The following WDPCP variants were observed in gnomAD, a reference collection of about 807,000 sequenced individuals.
WDPCP encodes the protein WD repeat-containing and planar cell polarity effector protein fritz homolog.
A neutral mutation model predicts 93.1 loss-of-function variants in WDPCP; 71 were observed. That is an observed-to-expected ratio of 0.76 (90% confidence interval 0.63 to 0.93). The LOEUF is 0.93. Among genes scored for constraint, WDPCP ranks in the 40% least tolerant of loss-of-function variants. WDPCP has a pLI of 0.00. For missense variants in WDPCP, 844 were observed against 887.4 expected (o/e 0.95, Z 0.62); for synonymous variants, 315 against 315.0 (o/e 1.00, Z 0.00).
intron 2 of WDPCP, among the ~76,000 whole-genome samples, chr2:63,670,406 C>T (rs1385838527): frequency 6.6e-6 from 1 of 152,082 alleles, no homozygotes; most frequent in Non-Finnish European, 1.5e-5. Context: ...GAGTTAGAAC[C>T]TAAGGAAAGT....
intron 1 of WDPCP, among the ~76,000 whole-genome samples, chr2:63,503,203 T>C (rs948725249): frequency 6.6e-6 from 1 of 152,230 alleles, no homozygotes; most frequent in Non-Finnish European, 1.5e-5. Context: ...TTAGACAATT[T>C]ATCAATGGCT....
intron 12 of WDPCP, among the ~76,000 whole-genome samples, chr2:63,340,316 G>A (rs1193840171): frequency 6.6e-6 from 1 of 152,134 alleles, no homozygotes; most frequent in East Asian, 1.9e-4. Context: ...GGCTGGCAAG[G>A]AGTTCCTGTC....
At chr2:63,427,022 G>A (rs982874354) in intron 9 of WDPCP, among the ~76,000 whole-genome samples, 11 of 152,116 alleles carry the variant, frequency 7.2e-5, no homozygotes, top group African/African-American at 2.2e-4. Flanking sequence ...AAAAAGGTTC[G>A]ATTCAACAAG....
intron 2 of WDPCP, among the ~76,000 whole-genome samples, chr2:63,774,864 C>T (rs549786553): frequency 2.6e-5 from 4 of 152,242 alleles, no homozygotes; most frequent in South Asian, 4.1e-4. Context: ...AACTTCTCTG[C>T]GCCTTTCAAT....
intron 2 of WDPCP, among the ~76,000 whole-genome samples, chr2:63,724,428 C>G (rs1669468980): frequency 6.6e-6 from 1 of 152,060 alleles, no homozygotes; most frequent in African/African-American, 2.4e-5. Flanking sequence ...GCCAGTTCTC[C>G]TGCTTCTACG....
chr2:63,749,577 T>C (rs1389381162), intron 2 of WDPCP, among the ~76,000 whole-genome samples: 1 of 152,124 alleles, frequency 6.6e-6, no homozygotes, highest in African/African-American at 2.4e-5. Context: ...CTTAGATGAT[T>C]TTGCCCAACT....
At chr2:63,479,358 C>T (rs1700141002) in intron 6 of WDPCP, among the ~76,000 whole-genome samples, 2 of 152,058 alleles carry the variant, frequency 1.3e-5, no homozygotes, top group South Asian at 2.1e-4. Flanking sequence ...ACCCTAATAC[C>T]AAAACCAGGA....
At chr2:63,464,763 G>T (rs1203737264) in intron 6 of WDPCP, among the ~76,000 whole-genome samples, 1 of 152,004 alleles carries the variant, frequency 6.6e-6, no homozygotes, top group African/African-American at 2.4e-5. Flanking sequence ...AGGACATTAT[G>T]TAAGTGAAAC....
chr2:63,709,057 C>CAAAA (rs953764802), intron 2 of WDPCP, among the ~76,000 whole-genome samples: 1,056 of 12,076 alleles, frequency 0.087, 289 homozygotes, highest in Non-Finnish European at 0.14. Context: ...CCTGTCTCTA[C>CAAAA]AAAAAAAAAA....
chr2:63,435,522 T>A (rs946956093), intron 8 of WDPCP, among the ~76,000 whole-genome samples: 3 of 152,154 alleles, frequency 2.0e-5, no homozygotes, highest in African/African-American at 7.2e-5. Flanking sequence ...TCTGATTTGC[T>A]GCATAAGTGT....
At chr2:63,643,152 A>G (rs1400576484) in intron 3 of WDPCP, 13 of 177,952 alleles carry the variant, frequency 7.3e-5, no homozygotes, top group Admixed American at 1.8e-4. Context: ...ATGTTCAACA[A>G]TCCTTGCATT....
chr2:63,521,455 C>A (rs1575574143), intron 1 of WDPCP, among the ~76,000 whole-genome samples: 1 of 152,180 alleles, frequency 6.6e-6, no homozygotes, highest in East Asian at 1.9e-4. Flanking sequence ...TCAAAAAAGA[C>A]AAAGAAGGGC....
chr2:63,413,593 C>G (rs753376763), intron 9 of WDPCP, among the ~76,000 whole-genome samples: 2 of 151,994 alleles, frequency 1.3e-5, no homozygotes, highest in Non-Finnish European at 2.9e-5. Context: ...GTCAGGAGAT[C>G]GAGACCATCC....
At chr2:63,396,110 T>C (rs146680013) in intron 10 of WDPCP, among the ~76,000 whole-genome samples, 2 of 152,266 alleles carry the variant, frequency 1.3e-5, no homozygotes, top group African/African-American at 4.8e-5. Flanking sequence ...TCATCATCAC[T>C]CTAGTTTGAA....
chr2:63,802,317 A>G (rs1670709770), intron 2 of WDPCP, among the ~76,000 whole-genome samples: 1 of 126,556 alleles, frequency 7.9e-6, no homozygotes, highest in South Asian at 2.4e-4. Context: ...AAAAAAAAAA[A>G]AAAAGATTTA....
At chr2:63,610,375 G>A (rs915205335) in intron 3 of WDPCP, among the ~76,000 whole-genome samples, 4 of 152,208 alleles carry the variant, frequency 2.6e-5, no homozygotes, top group African/African-American at 7.2e-5. Context: ...TGGATAGCCA[G>A]TGCAGCTTTA....
chr2:63,301,802 T>G (rs1418968563), intron 13 of WDPCP, among the ~76,000 whole-genome samples: 1 of 151,940 alleles, frequency 6.6e-6, no homozygotes, highest in African/African-American at 2.4e-5. Context: ...TTTTTTTTTT[T>G]TTTCCACTTT....
At chr2:63,828,408 C>T (rs1457331995), upstream of WDPCP, among the ~76,000 whole-genome samples, 1 of 152,086 alleles carries the variant, frequency 6.6e-6, no homozygotes, top group Non-Finnish European at 1.5e-5. Context: ...AAACTTAGTA[C>T]TACTTGATAT....
intron 12 of WDPCP, among the ~76,000 whole-genome samples, chr2:63,316,470 T>G (rs1222370298): frequency 6.6e-6 from 1 of 151,726 alleles, no homozygotes; most frequent in Non-Finnish European, 1.5e-5. Flanking sequence ...CTGGGCAACA[T>G]AGTAAAACCC....
Sources: allele counts gnomAD v4.1 joint callset (sites outside exome capture counted in the v4.1 genomes callset), GRCh38; gene constraint gnomAD v4.1.1; transcripts MANE v1.5; gene names NCBI Gene and HGNC (gene_info 2026-07-23, HGNC 2026-07-21).